SNTG1: variants seen among roughly 807,000 people sequenced by gnomAD.
SNTG1 encodes the protein syntrophin gamma 1.
A neutral mutation model predicts 74.7 loss-of-function variants in SNTG1; 39 were observed. That is an observed-to-expected ratio of 0.52 (90% CI 0.40 to 0.68). The LOEUF (loss-of-function observed/expected upper bound fraction) is 0.68, where lower values mean the gene tolerates loss of function less well. SNTG1 is among the 30% of genes least tolerant of loss of function. The probability of loss-of-function intolerance (pLI) is 0.00; values close to 1 mark genes in which losing one functional copy is unlikely to be tolerated. For missense variants in SNTG1, 685 were observed against 609.5 expected (o/e 1.12, Z -1.30); for synonymous variants, 254 against 217.1 (o/e 1.17, Z -1.49).
intron 2 of SNTG1, among the ~76,000 whole-genome samples, chr8:50,230,511 A>G (rs891665566): frequency 2.0e-5 from 3 of 151,388 alleles, no homozygotes; most frequent in Non-Finnish European, 4.4e-5. Context: ...CCAATATCAA[A>G]TACATAATTT....
At chr8:50,108,403 G>A (rs1371096247) in intron 1 of SNTG1, among the ~76,000 whole-genome samples, 2 of 152,110 alleles carry the variant, frequency 1.3e-5, no homozygotes, top group African/African-American at 4.8e-5. Flanking sequence ...ATTTATATTT[G>A]CCATTCTTTG....
chr8:50,610,023 C>G (rs537951099), intron 13 of SNTG1, among the ~76,000 whole-genome samples: 1 of 151,998 alleles, frequency 6.6e-6, no homozygotes, highest in Non-Finnish European at 1.5e-5. Flanking sequence ...TCACTTTCTT[C>G]TTCGTTTTCT....
chr8:50,724,797 A>G (rs967049648), intron 17 of SNTG1, among the ~76,000 whole-genome samples: 8 of 152,206 alleles, frequency 5.3e-5, no homozygotes, highest in Admixed American at 5.2e-4. Context: ...ATCAGTGTAT[A>G]GTAAATAACA....
At chr8:50,146,691 G>A (rs529021298) in intron 1 of SNTG1, among the ~76,000 whole-genome samples, 16 of 152,222 alleles carry the variant, frequency 1.1e-4, no homozygotes, top group African/African-American at 3.4e-4. Flanking sequence ...TGTGCCTGCC[G>A]ATCCTCACCA....
rs879421694 is a variant in SNTG1, at chr8:50,046,525, CTT to C, written c.-102-126031_-102-126030del. ...CATCAAATGGTAAGTTAATTCTACT[CTT>C]TTTTAAATATTCTGAAATCAAGAAT... On this transcript the variant is annotated intron_variant, in intron 1 of 18. Coordinates refer to ENST00000642720, the MANE Select transcript of SNTG1 (RefSeq NM_018967.5). Among the ~76,000 whole-genome samples, 57 of 152,232 alleles carry C rather than the reference CTT, an allele frequency of 3.7e-4. 1 individual carries two copies. Among genetic ancestry groups the C allele is most frequent in the Admixed American group, 5.9e-4 (9 of 15,288 alleles).
At chr8:50,712,307 C>A (rs1218717542) in intron 17 of SNTG1, among the ~76,000 whole-genome samples, 2 of 151,954 alleles carry the variant, frequency 1.3e-5, no homozygotes, top group African/African-American at 2.4e-5. Flanking sequence ...GAAAAAAGGT[C>A]CAGTTAAGAA....
chr8:50,794,162 A>G lies in SNTG1; in HGVS notation c.*1333A>G, dbSNP rs1257924274. 6.6e-6 allele frequency: 1 copy of G among 151,916 alleles called. No homozygotes were observed. The highest frequency in any genetic ancestry group is 1.5e-5 in the Non-Finnish European group (1 of 67,890). The allele number at this position is 151,916 out of a possible 1,614,324, so 9.4% of individuals were successfully genotyped here. A position where few individuals can be genotyped will look rare whatever the true frequency, so the allele number is the denominator to read the frequency against. On this transcript the variant is annotated 3_prime_UTR_variant, in exon 19 of 19. Transcript: ENST00000642720. ...TTTATTGATACACATGCTCCCAGGT[A>G]AACCAAGTATTATGTGTGTCCTTGT...
At position 50,048,063 on chromosome 8, in the gene SNTG1, G is replaced by T. The variant is rs560401490; in HGVS notation, c.-102-124498G>T. Among the ~76,000 whole-genome samples, 138 of 152,072 alleles carry T rather than the reference G, an allele frequency of 9.1e-4. 1 individual carries two copies. The highest frequency in any genetic ancestry group is 3.1e-3 in the African/African-American group (130 of 41,468). The stretch of plus-strand genomic sequence containing the variant: ...AACAATTAATAAATCATCCTTGCAG[G>T]TGTAATACATTGTAAATACATTTTT... On this transcript the variant is annotated intron_variant, in intron 1 of 18. Coordinates refer to ENST00000642720, the MANE Select transcript of SNTG1 (RefSeq NM_018967.5).
chr8:50,060,474 T>TA (rs1200301484), intron 1 of SNTG1, among the ~76,000 whole-genome samples: 2 of 152,110 alleles, frequency 1.3e-5, no homozygotes, highest in Non-Finnish European at 2.9e-5. Flanking sequence ...CTAGTATTTT[T>TA]ATTACATTAC....
chr8:50,106,132 T>C (rs1172995623), intron 1 of SNTG1, among the ~76,000 whole-genome samples: 1 of 152,160 alleles, frequency 6.6e-6, no homozygotes, highest in Admixed American at 6.6e-5. Context: ...GAAAAGAATT[T>C]AATTGACTAA....
At position 49,915,814 on chromosome 8, in the gene SNTG1, G is replaced by A. The variant is rs545768142; in HGVS notation, c.-103+3583G>A. Among the ~76,000 whole-genome samples, 120 of 152,248 alleles carry A rather than the reference G, an allele frequency of 7.9e-4. 1 individual carries two copies. Among genetic ancestry groups the A allele is most frequent in the Non-Finnish European group, 2.2e-4 (15 of 68,018 alleles). On this transcript the variant is annotated intron_variant, in intron 1 of 18. Coordinates refer to ENST00000642720, the MANE Select transcript of SNTG1 (RefSeq NM_018967.5). ...GTGAAATGTGGACAACATGCGGGCT[G>A]ATCTAAGGGGCTAGCCTGGAAATGC...
chr8:50,462,908 C>T (rs963673771), intron 8 of SNTG1, among the ~76,000 whole-genome samples: 1 of 137,454 alleles, frequency 7.3e-6, no homozygotes, highest in Admixed American at 8.3e-5. Flanking sequence ...CTGCCGCCTC[C>T]CAGGTTCAAG....
chr8:50,676,807 A>C (rs2095311267), intron 15 of SNTG1, among the ~76,000 whole-genome samples: 1 of 151,938 alleles, frequency 6.6e-6, no homozygotes, highest in Non-Finnish European at 1.5e-5. Flanking sequence ...TTGTTTAAAA[A>C]GTTATATTCT....
rs143568574 is a variant in SNTG1 at position 50,018,800 on chromosome 8, A to T, written c.-103+106569A>T. ...CCACAGTTTTGCTTCACACTCACTAAGATGGTTATAAACAAAGAAACAAAA... is the reference window on the plus strand; with the variant it reads ...CCACAGTTTTGCTTCACACTCACTATGATGGTTATAAACAAAGAAACAAAA... On this transcript the variant is annotated intron_variant, in intron 1 of 18. Transcript: ENST00000642720. Among the ~76,000 whole-genome samples the T allele has an allele frequency of 2.7e-3, 412 of 152,166 alleles. 2 individuals carry two copies. Among genetic ancestry groups the T allele is most frequent in the African/African-American group, 9.4e-3 (391 of 41,564 alleles).
intron 2 of SNTG1, among the ~76,000 whole-genome samples, chr8:50,223,396 T>A (rs2132006224): frequency 6.6e-6 from 1 of 152,262 alleles, no homozygotes; most frequent in South Asian, 2.1e-4. Context: ...ATATGCAATT[T>A]TAATCAAATA....
intron 1 of SNTG1, among the ~76,000 whole-genome samples, chr8:49,935,408 T>TG (rs1423528303): frequency 9.4e-5 from 13 of 138,730 alleles, no homozygotes; most frequent in Admixed American, 3.5e-4. Flanking sequence ...TTTTTTTTTT[T>TG]GGTGTCAAGC....
intron 1 of SNTG1, among the ~76,000 whole-genome samples, chr8:50,116,349 C>T (rs1172238179): frequency 6.6e-6 from 1 of 152,138 alleles, no homozygotes; most frequent in African/African-American, 2.4e-5. Context: ...TCAATTTCAG[C>T]ATAAAATTTG....
At chr8:50,169,737 AT>A (rs2082740619) in intron 1 of SNTG1, among the ~76,000 whole-genome samples, 2 of 152,066 alleles carry the variant, frequency 1.3e-5, no homozygotes, top group South Asian at 4.2e-4. Context: ...TTTTTATTTG[AT>A]TTCTTCATTT....
chr8:50,362,464 A>G (rs2091986343), intron 2 of SNTG1, among the ~76,000 whole-genome samples: 1 of 152,152 alleles, frequency 6.6e-6, no homozygotes, highest in South Asian at 2.1e-4. Flanking sequence ...TTTAATATCT[A>G]AAGTTGATTT....
Sources: gnomAD v4.1 joint callset for allele counts (sites outside exome capture counted in the v4.1 genomes callset) on GRCh38, gnomAD v4.1.1 for gene constraint, MANE v1.5 for transcripts, NCBI Gene and HGNC (gene_info 2026-07-23, HGNC 2026-07-21) for gene names.